Variants in RABL6 observed in about 807,000 individuals in gnomAD.
The protein encoded by RABL6 is RAB, member RAS oncogene family like 6, also known as rab-like protein 6.
RABL6 carries 28 observed loss-of-function variants against 72.9 expected under a neutral mutation model. The ratio of observed to expected loss-of-function variants is 0.38; its 90% CI spans 0.28 to 0.53. The LOEUF is 0.53. RABL6 is among the 20% of genes least tolerant of loss of function. The probability of loss-of-function intolerance (pLI) is 0.80; values close to 1 mark genes in which losing one functional copy is unlikely to be tolerated. For synonymous variants in RABL6, 477 were observed against 421.2 expected, an observed-to-expected ratio of 1.13 and a Z score of -1.62; for missense variants, 1,029 against 1,008.4, an observed-to-expected ratio of 1.02 and a Z score of -0.28.
Position 136,821,645 on chromosome 9 carries a change from G to T in RABL6, c.131-1880G>T, listed in dbSNP as rs951995651. 4.0e-6 allele frequency: 4 copies of T among 988,224 alleles called. No homozygotes were observed. In the African/African-American group the frequency reaches 7.0e-5, roughly 17 times the overall value. The allele number at this position is 988,224 out of a possible 1,614,324, so 61.2% of individuals were successfully genotyped here. The stretch of plus-strand genomic sequence containing the variant: ...CGGGCCGGAGGAGGGAGGGCGCCGC[G>T]GCCCGTCTCGGGCCTCCCGCCGCGC... On this transcript the variant is annotated intron_variant, in intron 1 of 14. Coordinates refer to ENST00000311502, the MANE Select transcript of RABL6 (RefSeq NM_024718.5).
At chr9:136,821,783 C>T in intron 1 of RABL6, 2 of 1,171,178 alleles carry the variant, frequency 1.7e-6, no homozygotes, top group Non-Finnish European at 2.1e-6. Flanking sequence ...GGCCTCTGTT[C>T]TCCAAGTTCT....
At chr9:136,833,838 G>T in intron 7 of RABL6, 1 of 1,550,536 alleles carries the variant, frequency 6.4e-7, no homozygotes, top group Non-Finnish European at 8.7e-7. Context: ...GAAGGCGGCA[G>T]TCAGACTTGT....
chr9:136,839,665 G>A, intron 12 of RABL6, 29 bp from the exon 13 acceptor site: 1 of 1,563,578 alleles, frequency 6.4e-7, no homozygotes, highest in Non-Finnish European at 8.7e-7. Flanking sequence ...GAGGGATGAT[G>A]GCCTGACCAG....
chr9:136,813,597 A>G (rs757695432), intron 1 of RABL6: 11 of 329,740 alleles, frequency 3.3e-5, no homozygotes, highest in South Asian at 7.3e-5. Flanking sequence ...GACTAATCCA[A>G]TCTCCACAGC....
At chr9:136,827,118 C>T (rs559581351) in intron 3 of RABL6, 2 of 152,390 alleles carry the variant, frequency 1.3e-5, no homozygotes, top group African/African-American at 2.4e-5. Context: ...TGTTAGCACC[C>T]ACCGGGAGAG....
At position 136,822,992 on chromosome 9, in the gene RABL6, A is replaced by G. The variant is rs781427382; in HGVS notation, c.131-533A>G. Among the ~76,000 whole-genome samples the G allele has an allele frequency of 1.2e-3, 187 of 151,786 alleles. 1 individual carries two copies. The highest frequency in any genetic ancestry group is 1.8e-3 in the Non-Finnish European group (123 of 67,904). ...AGTCCCAGCTACTCGGGAGGCTGAG[A>G]CAGGAGAATGGCGTGAACCCGGGAG... On this transcript the variant is annotated intron_variant, in intron 1 of 14. Coordinates refer to ENST00000311502, the MANE Select transcript of RABL6 (RefSeq NM_024718.5).
intron 1 of RABL6, chr9:136,821,939 GCAGCGCTGGCCGGCGCCGAGATATGACC>G: frequency 7.8e-7 from 1 of 1,288,498 alleles, no homozygotes; most frequent in Non-Finnish European, 1.0e-6. Flanking sequence ...AGGTTTTGCC[GCAGCGCTGGCCGGCGCCGAGATATGACC>G]AGAGGCGTTG....
At chr9:136,822,402 C>G (rs557013025) in intron 1 of RABL6, among the ~76,000 whole-genome samples, 1 of 152,092 alleles carries the variant, frequency 6.6e-6, no homozygotes, top group Non-Finnish European at 1.5e-5. Context: ...CTCTCTCCCC[C>G]GTGCCTGTGG....
intron 3 of RABL6, chr9:136,828,138 C>T: frequency 4.3e-6 from 1 of 230,874 alleles, no homozygotes; most frequent in Non-Finnish European, 8.6e-6. Context: ...TACTTCCTCC[C>T]ACCCTGGACT....
chr9:136,835,153 C>G (rs1243277940), intron 7 of RABL6: 1 of 152,130 alleles, frequency 6.6e-6, no homozygotes, highest in African/African-American at 2.4e-5. Context: ...CATCCTCGCA[C>G]TTTGGATGCT....
At chr9:136,834,929 TAAAAAAAAA>T (rs71385775) in intron 7 of RABL6, among the ~76,000 whole-genome samples, 3 of 74,410 alleles carry the variant, frequency 4.0e-5, no homozygotes, top group Non-Finnish European at 5.3e-5. Flanking sequence ...GACCCTGTTC[TAAAAAAAAA>T]AAAAAAAAAA....
At chr9:136,823,029 A>G (rs1178795607) in intron 1 of RABL6, among the ~76,000 whole-genome samples, 2 of 149,802 alleles carry the variant, frequency 1.3e-5, no homozygotes, top group African/African-American at 4.9e-5. Flanking sequence ...TGGAGCTTGC[A>G]GTGAGCCGAG....
Position 136,839,760 on chromosome 9 carries a change from C to T in RABL6, c.1825C>T (p.Pro609Ser). ...CGAGGATGAGGGCCCTGCCGAGCCG[C>T]CCCCACCCCCCAAGCTCCCTCTCCC... The part of the protein sequence containing the change: ...TDEDEGPAEP[P>S]PPPKLPLPAF... The change falls in exon 13 of 15, where the codon CCC becomes TCC. Residue 609 changes from proline to serine, a missense_variant. Physicochemically the swap from Pro to Ser is moderately conservative, Grantham distance 74. This residue lies in a region of RABL6 where 595 missense variants were observed against 472.4 expected (regional missense o/e 1.26). Coordinates refer to ENST00000311502, the MANE Select transcript of RABL6 (RefSeq NM_024718.5). 1 of 1,612,090 alleles carries T rather than the reference C, an allele frequency of 6.2e-7. No homozygotes were observed.
rs767423946 is a variant in RABL6, at chr9:136,839,365, A to G, written c.1637A>G (p.Lys546Arg). 6.2e-7 allele frequency: 1 copy of G among 1,612,654 alleles called. No individual in the cohort carries two copies. Among genetic ancestry groups the G allele is most frequent in the Non-Finnish European group, 8.5e-7 (1 of 1,179,748 alleles). The change falls in exon 12 of 15, where the codon AAG becomes AGG. Residue 546 changes from lysine to arginine, a missense_variant. Transcript: ENST00000311502. ...CCCCCTGCTGAGATGGAGCCGGGGA[A>G]GGGTGAGCAGGCCTCCTCGTCGGAG... is the stretch of plus-strand genomic sequence containing the variant. ...TRPPAEMEPG[K>R]GEQASSSESD...
At chr9:136,831,275 C>T (rs976076237) in intron 5 of RABL6, among the ~76,000 whole-genome samples, 3 of 152,206 alleles carry the variant, frequency 2.0e-5, no homozygotes, top group East Asian at 1.9e-4. Context: ...CCCGCTTCAC[C>T]GGCAGCCGCA....
intron 13 of RABL6, 79 bp from the exon 14 acceptor site, chr9:136,840,075 G>A (rs1848661198): frequency 1.3e-6 from 2 of 1,593,648 alleles, no homozygotes; most frequent in Non-Finnish European, 8.6e-7. Flanking sequence ...TGCTTTGTGA[G>A]TTTCTAGAGA....
At position 136,837,983 on chromosome 9, in the gene RABL6, G is replaced by A. The variant is rs1444779626; in HGVS notation, c.1248G>A (p.Val416=). The change falls in exon 10 of 15, where the codon GTG becomes GTA. Residue 416 remains valine (V), a synonymous_variant. Transcript: ENST00000311502. The part of the protein sequence containing the change: ...DTTPARDEKK[V]GAKAAQQDSD... ...CCCCCGCCAGGGACGAGAAGAAGGT[G>A]GGGGCCAAGGCTGCCCAGCAGGACA... 6.4e-7 allele frequency: 1 copy of A among 1,569,340 alleles called. No homozygotes were observed.
chr9:136,838,331 C>T (rs1848622456), intron 10 of RABL6, among the ~76,000 whole-genome samples: 1 of 152,180 alleles, frequency 6.6e-6, no homozygotes, highest in Non-Finnish European at 1.5e-5. Flanking sequence ...AGGTTCAGGC[C>T]ACCAGATGTG....
chr9:136,836,080 G>A (rs983157696), intron 8 of RABL6: 44 of 455,266 alleles, frequency 9.7e-5, no homozygotes, highest in African/African-American at 8.0e-4. Context: ...CTGCCACTCT[G>A]AGTACCGCTG....
Sources: gnomAD v4.1 joint callset for allele counts (sites outside exome capture counted in the v4.1 genomes callset) on GRCh38, gnomAD v4.1.1 for gene constraint, gnomAD v4.1.1 regional missense constraint, MANE v1.5 for transcripts, NCBI Gene and HGNC (gene_info 2026-07-23, HGNC 2026-07-21) for gene names.